ADAT1: variants seen among roughly 807,000 people sequenced by gnomAD.
The protein encoded by ADAT1 is tRNA-specific adenosine deaminase 1.
ADAT1 carries 58 observed loss-of-function variants against 58.6 expected under a neutral mutation model. The observed-to-expected ratio is 0.99, with a 90% CI of 0.80 to 1.23. The LOEUF (loss-of-function observed/expected upper bound fraction) is 1.23, where lower values mean the gene tolerates loss of function less well. ADAT1 is among the 50% of genes most tolerant of loss of function. ADAT1 has a pLI of 0.00. For synonymous variants in ADAT1, 254 were observed against 220.8 expected (o/e 1.15, Z -1.33); for missense variants, 741 against 608.6 (o/e 1.22, Z -2.29).
At chr16:75,620,924 G>C in intron 1 of ADAT1, 104 bp from the exon 2 acceptor site, 6 of 938,134 alleles carry the variant, frequency 6.4e-6, no homozygotes, top group Non-Finnish European at 9.1e-6. Flanking sequence ...GGAGCAGACC[G>C]AGGTTTCCCT....
chr16:75,608,359 C>T (rs746263687), intron 7 of ADAT1, 36 bp from the exon 8 acceptor site: 1 of 1,527,872 alleles, frequency 6.5e-7, no homozygotes, highest in Admixed American at 1.7e-5. Context: ...TAAAACTGCT[C>T]AATTTCTTGT....
At chr16:75,620,856 A>C (rs2081912211) in intron 1 of ADAT1, 36 bp from the exon 2 acceptor site, 1 of 1,565,060 alleles carries the variant, frequency 6.4e-7, no homozygotes, top group Non-Finnish European at 8.7e-7. Flanking sequence ...AAGTACGGAA[A>C]GGAGAACCAG....
At chr16:75,611,831 G>T (rs917470437) in intron 6 of ADAT1, among the ~76,000 whole-genome samples, 1 of 152,050 alleles carries the variant, frequency 6.6e-6, no homozygotes, top group African/African-American at 2.4e-5. Flanking sequence ...ACCGAGGTGG[G>T]TGGATCACCT....
chr16:75,619,611 C>T (rs951906183), intron 3 of ADAT1: 1 of 455,400 alleles, frequency 2.2e-6, no homozygotes, highest in Non-Finnish European at 4.4e-6. Context: ...CCAAAGCTTC[C>T]TGTCATTCAA....
chr16:75,607,963 C>T (rs1162528660), intron 8 of ADAT1, among the ~76,000 whole-genome samples: 1 of 152,130 alleles, frequency 6.6e-6, no homozygotes, highest in Admixed American at 6.5e-5. Context: ...AAACACTATG[C>T]TAAGTGAAAG....
intron 8 of ADAT1, among the ~76,000 whole-genome samples, chr16:75,604,472 T>TATAC (rs1253084751): frequency 1.8e-5 from 1 of 54,336 alleles, no homozygotes; most frequent in Non-Finnish European, 3.1e-5. Flanking sequence ...TATATATATA[T>TATAC]ATACACACAC....
At chr16:75,603,018 T>G in intron 9 of ADAT1, 67 bp downstream of exon 9, 3 of 1,443,294 alleles carry the variant, frequency 2.1e-6, no homozygotes, top group Non-Finnish European at 2.9e-6. Flanking sequence ...AGCTTCTTGC[T>G]ACTCAGAAGC....
chr16:75,603,845 C>A (rs1056552389), intron 8 of ADAT1, among the ~76,000 whole-genome samples: 1 of 152,160 alleles, frequency 6.6e-6, no homozygotes, highest in African/African-American at 2.4e-5. Context: ...CTTTTACACA[C>A]CACACTCTGC....
intron 2 of ADAT1, 63 bp downstream of exon 2, chr16:75,620,559 CCTCACAGTA>C: frequency 1.9e-6 from 3 of 1,543,550 alleles, no homozygotes; most frequent in Non-Finnish European, 1.8e-6. Flanking sequence ...ACGACTGTAC[CCTCACAGTA>C]CAGCAATGCA....
At chr16:75,604,230 C>T (rs149419332) in intron 8 of ADAT1, among the ~76,000 whole-genome samples, 1,958 of 151,414 alleles carry the variant, frequency 0.013, 51 homozygotes, top group African/African-American at 0.044. Context: ...GTCAGGAGTT[C>T]GAGACCAGCC....
chr16:75,612,087 C>T (rs1479080340), intron 6 of ADAT1, among the ~76,000 whole-genome samples, 156 bp downstream of exon 6: 1 of 152,096 alleles, frequency 6.6e-6, no homozygotes, highest in Non-Finnish European at 1.5e-5. Flanking sequence ...ATATACAAAG[C>T]TAAATGTTCA....
chr16:75,605,687 GCA>G (rs2081349267), intron 8 of ADAT1, among the ~76,000 whole-genome samples: 1 of 151,986 alleles, frequency 6.6e-6, no homozygotes, highest in Middle Eastern at 3.4e-3. Flanking sequence ...TGTAATCCCA[GCA>G]CTTTGGGAGG....
chr16:75,612,341 C>A lies in ADAT1; in HGVS notation c.945G>T (p.Leu315=). 1 of 1,614,220 alleles carries A rather than the reference C, an allele frequency of 6.2e-7. No individual in the cohort carries two copies. Among genetic ancestry groups the A allele is most frequent in the Non-Finnish European group, 8.5e-7 (1 of 1,180,048 alleles). The part of the protein sequence containing the change: ...RWNVLGCQGA[L]LMHLLEEPIY... ...TGGGCTCTTCCAGCAAGTGCATCAA[C>A]AGTGCCCCTTGGCATCCGAGGACGT... Residue 315 remains leucine (L), a synonymous_variant, in exon 6 of 10, where the codon CTG becomes CTT. Coordinates refer to ENST00000564657, the MANE Select transcript of ADAT1 (RefSeq NM_001324445.2).
intron 5 of ADAT1, among the ~76,000 whole-genome samples, chr16:75,614,043 A>T (rs1375851987): frequency 6.6e-6 from 1 of 152,102 alleles, no homozygotes; most frequent in African/African-American, 2.4e-5. Context: ...TACAAAAATT[A>T]GCCGGGTGTG....
intron 2 of ADAT1, 139 bp downstream of exon 2, chr16:75,620,492 G>A: frequency 7.2e-7 from 1 of 1,389,886 alleles, no homozygotes; most frequent in Non-Finnish European, 1.0e-6. Flanking sequence ...CAGAGGTACT[G>A]CGTCACCTAG....
intron 6 of ADAT1, 68 bp from the exon 7 acceptor site, chr16:75,609,056 C>T (rs2151757624): frequency 1.9e-6 from 3 of 1,574,600 alleles, no homozygotes; most frequent in East Asian, 4.5e-5. Context: ...AGGATTGTGG[C>T]TCACATCATC....
chr16:75,604,553 C>A (rs539104460), intron 8 of ADAT1, among the ~76,000 whole-genome samples: 1 of 137,972 alleles, frequency 7.2e-6, no homozygotes, highest in African/African-American at 2.7e-5. Context: ...GGAAAATATA[C>A]GCAAAGAAAG....
At chr16:75,618,806 G>A in intron 3 of ADAT1, 166 bp from the exon 4 acceptor site, 2 of 757,358 alleles carry the variant, frequency 2.6e-6, no homozygotes, top group South Asian at 1.8e-5. Context: ...ATCAGGTGCA[G>A]GGTTTCTCAA....
At chr16:75,610,946 C>T (rs1215992558) in intron 6 of ADAT1, among the ~76,000 whole-genome samples, 1 of 152,030 alleles carries the variant, frequency 6.6e-6, no homozygotes, top group African/African-American at 2.4e-5. Context: ...ACCCCGTCTC[C>T]ACAAAAAAAA....
Sources: gnomAD v4.1 joint callset for allele counts (sites outside exome capture counted in the v4.1 genomes callset) on GRCh38, gnomAD v4.1.1 for gene constraint, MANE v1.5 for transcripts, NCBI Gene and HGNC (gene_info 2026-07-23, HGNC 2026-07-21) for gene names.